The following PSIP1 variants were observed in gnomAD, a reference collection of about 807,000 sequenced individuals.
PSIP1 encodes PC4 and SFRS1-interacting protein.
Under a neutral mutation model 74.7 loss-of-function variants are expected in PSIP1, and 19 were observed. That is an observed-to-expected ratio of 0.25 (90% confidence interval 0.18 to 0.37). The LOEUF (loss-of-function observed/expected upper bound fraction) is 0.37, where lower values mean the gene tolerates loss of function less well. Ranked by LOEUF, PSIP1 falls within the 10% of genes least tolerant of loss-of-function variation. The probability of loss-of-function intolerance (pLI) is 1.00; values close to 1 mark genes in which losing one functional copy is unlikely to be tolerated. For synonymous variants in PSIP1, 222 were observed against 195.3 expected (o/e 1.14, Z -1.14); for missense variants, 601 against 614.3 (o/e 0.98, Z 0.23).
chr9:15,466,721 C>T (rs761133572), intron 15 of PSIP1, 27 bp downstream of exon 15: 162 of 1,544,642 alleles, frequency 1.0e-4, no homozygotes, highest in African/African-American at 5.5e-5. Context: ...AAAAAACACA[C>T]AAGACCCATT....
intron 3 of PSIP1, among the ~76,000 whole-genome samples, chr9:15,494,342 G>A (rs938246918): frequency 6.6e-6 from 1 of 152,044 alleles, no homozygotes; most frequent in African/African-American, 2.4e-5. Flanking sequence ...TAGCAGGGCA[G>A]ATCACCTGAG....
intron 11 of PSIP1, 72 bp downstream of exon 11, chr9:15,469,866 A>T: frequency 1.5e-6 from 2 of 1,322,498 alleles, no homozygotes; most frequent in South Asian, 2.5e-5. Flanking sequence ...AAACCAATAC[A>T]TGAAAAGTTA....
In PSIP1 at chr9:15,510,337, G is replaced by A. The variant is rs547958959; in HGVS notation, c.-141-8C>T. 6.5e-4 allele frequency: 196 copies of A among 302,794 alleles called. 1 individual carries two copies. The highest frequency in any genetic ancestry group is 3.4e-3 in the African/African-American group (147 of 42,742). The allele number at this position is 302,794 out of a possible 1,614,324, so 18.8% of individuals were successfully genotyped here. A position where few individuals can be genotyped will look rare whatever the true frequency, so the allele number is the denominator to read the frequency against. ...GGCGTCCCGACGCGCCTGCTAGGGAGAGCACCGAGGGCGGTTAAAGCGAAG... is the reference window on the plus strand; with the variant it reads ...GGCGTCCCGACGCGCCTGCTAGGGAAAGCACCGAGGGCGGTTAAAGCGAAG... On this transcript the variant is annotated splice_region_variant and splice_polypyrimidine_tract_variant and intron_variant, in intron 1 of 15. Transcript: ENST00000380733.
chr9:15,485,196 C>T (rs2036507433), intron 6 of PSIP1, among the ~76,000 whole-genome samples: 2 of 152,080 alleles, frequency 1.3e-5, no homozygotes, highest in Admixed American at 1.3e-4. Flanking sequence ...TTTTTTGGTA[C>T]CCATTTCCCT....
intron 2 of PSIP1, among the ~76,000 whole-genome samples, chr9:15,507,880 A>T (rs186913157): frequency 6.6e-6 from 1 of 152,118 alleles, no homozygotes; most frequent in Non-Finnish European, 1.5e-5. Context: ...TTACCACCCA[A>T]TATCTCTAGG....
intron 3 of PSIP1, among the ~76,000 whole-genome samples, chr9:15,504,726 G>C (rs1355800076): frequency 6.8e-6 from 1 of 147,858 alleles, no homozygotes; most frequent in African/African-American, 2.5e-5. Context: ...AACAGAGCTA[G>C]ACTCGGTCTC....
rs145694658 is a variant in PSIP1, at chr9:15,468,352, G to T, written c.1420+278C>A. Reference sequence around the variant, plus strand: ...GGTACTCTAGGGATTAGGAGGCATTGTGATGGATGGGTTTTTAAAAATTGT... The same window carrying T: ...GGTACTCTAGGGATTAGGAGGCATTTTGATGGATGGGTTTTTAAAAATTGT... On this transcript the variant is annotated intron_variant, in intron 14 of 15. Transcript: ENST00000380733. 1,019 of 637,408 alleles carry T rather than the reference G, an allele frequency of 1.6e-3. 4 individuals are homozygous for T. Among genetic ancestry groups the T allele is most frequent in the Admixed American group, 2.9e-3 (158 of 55,060 alleles). The allele number at this position is 637,408 out of a possible 1,614,324, so 39.5% of individuals were successfully genotyped here.
Position 15,465,420 on chromosome 9 carries a change from C to G in PSIP1, c.*100G>C. ...CTCCCTCAAAACAAGTTTTCAACATCAAACCTATGCTTATAAAAATTTAAA... is the reference window on the plus strand; with the variant it reads ...CTCCCTCAAAACAAGTTTTCAACATGAAACCTATGCTTATAAAAATTTAAA... On this transcript the variant is annotated 3_prime_UTR_variant, in exon 16 of 16. Coordinates refer to ENST00000380733, the MANE Select transcript of PSIP1 (RefSeq NM_033222.5). 1 of 1,087,584 alleles carries G rather than the reference C, an allele frequency of 9.2e-7. No individual in the cohort carries two copies. Among genetic ancestry groups the G allele is most frequent in the Non-Finnish European group, 1.3e-6 (1 of 744,146 alleles). 67.4% of individuals were successfully genotyped at this position (1,087,584 alleles called of 1,614,324 possible).
intron 10 of PSIP1, chr9:15,470,731 T>C (rs1250486999): frequency 1.0e-6 from 1 of 957,314 alleles, no homozygotes; most frequent in Non-Finnish European, 1.3e-6. Flanking sequence ...TAAAAAAACA[T>C]TTATTAAGAT....
intron 2 of PSIP1, among the ~76,000 whole-genome samples, chr9:15,509,714 A>ATCTCTGAC (rs2037765314): frequency 6.6e-6 from 1 of 152,186 alleles, no homozygotes; most frequent in Non-Finnish European, 1.5e-5. Context: ...TCTGACATCC[A>ATCTCTGAC]AGTGTTTGTG....
intron 3 of PSIP1, among the ~76,000 whole-genome samples, chr9:15,498,476 A>C (rs1309637881): frequency 2.0e-5 from 3 of 152,020 alleles, no homozygotes; most frequent in Non-Finnish European, 4.4e-5. Context: ...ATGAACTCTT[A>C]ATGAGACTCA....
rs1305422833 is a variant in PSIP1, at chr9:15,486,853, C to G, written c.367G>C (p.Asp123His). 1 of 1,609,406 alleles carries G rather than the reference C, an allele frequency of 6.2e-7. No homozygotes were observed. Among genetic ancestry groups the G allele is most frequent in the Admixed American group, 1.7e-5 (1 of 59,528 alleles). Residue 123 changes from aspartate (D) to histidine (H), a missense_variant, in exon 5 of 16, where the codon GAC becomes CAC. Physicochemically the swap from Asp to His is moderately conservative, Grantham distance 81 (BLOSUM62 -1). This residue lies in a region of PSIP1 where 538 missense variants were observed against 507.6 expected (regional missense o/e 1.06). Transcript: ENST00000380733. ...TCATTGCTGGCTTTTTCTTCATGGT[C>G]GGTATCTTCCTTTGAAACACTAGTT... ...KETSVSKEDTDHEEKASNEDV... is the reference protein window; with the variant it reads ...KETSVSKEDTHHEEKASNEDV...
At chr9:15,486,208 A>C in intron 5 of PSIP1, 140 bp from the exon 6 acceptor site, 1 of 603,116 alleles carries the variant, frequency 1.7e-6, no homozygotes, top group Non-Finnish European at 2.7e-6. Flanking sequence ...CTGAAATTAA[A>C]AACATTGTGT....
chr9:15,479,710 A>G (rs1472973732), intron 6 of PSIP1, 23 bp from the exon 7 acceptor site: 2 of 1,594,504 alleles, frequency 1.3e-6, no homozygotes, highest in East Asian at 4.5e-5. Context: ...AATTTAATTA[A>G]CTTATTTAGC....
chr9:15,498,287 G>A (rs1211107951), intron 3 of PSIP1, among the ~76,000 whole-genome samples: 2 of 152,066 alleles, frequency 1.3e-5, no homozygotes, highest in Non-Finnish European at 2.9e-5. Context: ...GTGGTGGCGT[G>A]CACCTATAAT....
chr9:15,470,613 AC>A (rs1411530014), intron 10 of PSIP1: 1 of 955,320 alleles, frequency 1.0e-6, no homozygotes, highest in East Asian at 1.1e-4. Flanking sequence ...ATAGACAAGA[AC>A]AAAAAATATC....
At chr9:15,468,535 TAC>T (rs753680969) in intron 14 of PSIP1, 93 bp downstream of exon 14, 29 of 1,333,166 alleles carry the variant, frequency 2.2e-5, no homozygotes, top group Non-Finnish European at 3.0e-5. Context: ...CTGTGGCGTA[TAC>T]ACAGTGAAAC....
chr9:15,466,702 C>G, intron 15 of PSIP1, 46 bp downstream of exon 15: 1 of 1,454,740 alleles, frequency 6.9e-7, no homozygotes, highest in East Asian at 2.3e-5. Context: ...GATTAAAAAC[C>G]TGAATAATAA....
intron 6 of PSIP1, among the ~76,000 whole-genome samples, chr9:15,485,291 T>C (rs544700074): frequency 2.0e-5 from 3 of 152,250 alleles, no homozygotes; most frequent in African/African-American, 7.2e-5. Context: ...GCTTCATGTG[T>C]CCTTCCCTGC....
Sources: gnomAD v4.1 joint callset for allele counts (sites outside exome capture counted in the v4.1 genomes callset) on GRCh38, gnomAD v4.1.1 for gene constraint, gnomAD v4.1.1 regional missense constraint, MANE v1.5 for transcripts, NCBI Gene and HGNC (gene_info 2026-07-23, HGNC 2026-07-21) for gene names.